TC2N: variants seen among roughly 807,000 people sequenced by gnomAD.
TC2N encodes the protein tandem C2 domains nuclear protein.
Under a neutral mutation model 61.9 loss-of-function variants are expected in TC2N, and 51 were observed. The ratio of observed to expected loss-of-function variants is 0.82; its 90% CI spans 0.66 to 1.04. The LOEUF is 1.04. Among genes scored for constraint, TC2N ranks in the 50% least tolerant of loss-of-function variants. TC2N has a pLI of 0.00. For synonymous variants in TC2N, 204 were observed against 192.6 expected (o/e 1.06, Z -0.49); for missense variants, 556 against 566.7 (o/e 0.98, Z 0.19).
chr14:91,791,206 A>AGGGG (rs1566761681), intron 9 of TC2N, among the ~76,000 whole-genome samples: 3 of 47,994 alleles, frequency 6.3e-5, no homozygotes, highest in Non-Finnish European at 1.4e-4. Context: ...GGGAGGGGAG[A>AGGGG]AGAGGGGAGG....
rs538209533 is a variant in TC2N, at chr14:91,858,182, G to A, written c.-57+9080C>T. On this transcript the variant is annotated intron_variant, in intron 1 of 11. Transcript: ENST00000435962. ...TTTTTTTTTTTTTTTTGGTAAAGAT[G>A]GGGTTTCACTATATTTCCTAGGCTG... 3.4e-4 allele frequency among the ~76,000 whole-genome samples: 41 copies of A among 122,372 alleles called. 1 individual carries two copies. Among genetic ancestry groups the A allele is most frequent in the African/African-American group, 1.2e-3 (39 of 33,082 alleles). The allele number at this position is 122,372 out of a possible 152,430, so 80.3% of individuals were successfully genotyped here. A position where few individuals can be genotyped will look rare whatever the true frequency, so the allele number is the denominator to read the frequency against.
At chr14:91,852,446 C>G (rs1292738267) in intron 1 of TC2N, among the ~76,000 whole-genome samples, 4 of 152,042 alleles carry the variant, frequency 2.6e-5, no homozygotes, top group African/African-American at 9.7e-5. Flanking sequence ...AAAAAATGCT[C>G]TGCCTCACTA....
At chr14:91,865,671 C>T (rs2430337) in intron 1 of TC2N, among the ~76,000 whole-genome samples, 61,990 of 151,798 alleles carry the variant, frequency 0.41, 13,500 homozygotes, top group African/African-American at 0.56. Context: ...TTTCAAAATA[C>T]TTAATAATTC....
chr14:91,808,971 A>G (rs1246829460), intron 3 of TC2N, among the ~76,000 whole-genome samples: 3 of 152,190 alleles, frequency 2.0e-5, no homozygotes, highest in African/African-American at 7.2e-5. Flanking sequence ...AATGTTGTTA[A>G]TAAGTATGAA....
intron 9 of TC2N, among the ~76,000 whole-genome samples, chr14:91,788,959 C>A: frequency 2.8e-5 from 1 of 35,924 alleles, no homozygotes; most frequent in African/African-American, 3.8e-5. Flanking sequence ...ATTTGGTAGC[C>A]ATAAAAAAAA....
intron 1 of TC2N, among the ~76,000 whole-genome samples, chr14:91,822,942 C>G (rs988020800): frequency 4.6e-5 from 7 of 151,720 alleles, no homozygotes; most frequent in African/African-American, 7.3e-5. Context: ...GTCTCGATCT[C>G]CTGACCTCGT....
intron 1 of TC2N, among the ~76,000 whole-genome samples, chr14:91,818,319 C>A (rs1887095663): frequency 6.6e-6 from 1 of 152,000 alleles, no homozygotes; most frequent in Admixed American, 6.6e-5. Flanking sequence ...GAAAAAAACA[C>A]CAGAAAAATT....
chr14:91,810,517 C>T (rs1463547647), intron 3 of TC2N, among the ~76,000 whole-genome samples: 2 of 151,996 alleles, frequency 1.3e-5, no homozygotes, highest in African/African-American at 2.4e-5. Context: ...AATACAACCC[C>T]AAATTACTCC....
Position 91,799,452 on chromosome 14 carries a change from CAG to C in TC2N, c.562-390_562-389del, listed in dbSNP as rs952016488. On this transcript the variant is annotated intron_variant, in intron 5 of 11. Transcript: ENST00000435962. ...CATAGTCAATCTGGACCTGCAGAAACAGTATCATTTGGAACTTGGTAGCAATA... is the reference window on the plus strand; with the variant it reads ...CATAGTCAATCTGGACCTGCAGAAACTATCATTTGGAACTTGGTAGCAATA... Among the ~76,000 whole-genome samples the C allele has an allele frequency of 2.2e-4, 34 of 152,148 alleles. 1 individual carries two copies. Among genetic ancestry groups the C allele is most frequent in the African/African-American group, 7.9e-4 (33 of 41,552 alleles).
chr14:91,798,310 T>C lies in TC2N; in HGVS notation c.727A>G (p.Thr243Ala). The C allele has an allele frequency of 4.5e-6, 7 of 1,550,880 alleles. No homozygotes were observed. Among genetic ancestry groups the C allele is most frequent in the Non-Finnish European group, 6.1e-6 (7 of 1,139,282 alleles). ...CTATACTAATTTACCTGTAAAACTG[T>C]GATCCAGATCTGTTCTACTGAAGAA... The part of the protein sequence containing the change: ...YNSSVEQIWI[T>A]VLQCRDLSWP... Residue 243 changes from threonine (T) to alanine (A), a missense_variant, in exon 7 of 12, where the codon ACA (threonine) becomes GCA (alanine). Transcript: ENST00000435962.
At chr14:91,789,379 G>A (rs1161632916) in intron 9 of TC2N, among the ~76,000 whole-genome samples, 2 of 151,468 alleles carry the variant, frequency 1.3e-5, no homozygotes, top group Non-Finnish European at 2.9e-5. Context: ...GGCGGATCAC[G>A]AGGTCAGATC....
chr14:91,797,697 C>A, intron 8 of TC2N, 88 bp downstream of exon 8: 1 of 876,984 alleles, frequency 1.1e-6, no homozygotes. Flanking sequence ...AAAAGACTTT[C>A]TTATTCTGAC....
chr14:91,829,735 C>G (rs762369386), intron 1 of TC2N, among the ~76,000 whole-genome samples: 5 of 152,138 alleles, frequency 3.3e-5, no homozygotes, highest in Non-Finnish European at 7.4e-5. Context: ...CCTTGTACAG[C>G]TGGTTATCTT....
intron 1 of TC2N, among the ~76,000 whole-genome samples, chr14:91,829,776 T>C (rs1457611712): frequency 6.6e-6 from 1 of 152,194 alleles, no homozygotes; most frequent in Non-Finnish European, 1.5e-5. Flanking sequence ...ACCATGAAAC[T>C]GTACTGGTAG....
intron 10 of TC2N, among the ~76,000 whole-genome samples, chr14:91,787,058 A>G (rs1885401241): frequency 6.6e-6 from 1 of 152,210 alleles, no homozygotes; most frequent in Non-Finnish European, 1.5e-5. Flanking sequence ...CTCTGGGACT[A>G]GACAACCAAA....
At chr14:91,860,829 T>C (rs1888575138) in intron 1 of TC2N, among the ~76,000 whole-genome samples, 1 of 152,228 alleles carries the variant, frequency 6.6e-6, no homozygotes, top group African/African-American at 2.4e-5. Flanking sequence ...TGAAACCCTC[T>C]ATGCAGTACG....
intron 1 of TC2N, among the ~76,000 whole-genome samples, chr14:91,853,072 A>AAAAC (rs924963006): frequency 7.0e-4 from 106 of 152,316 alleles, no homozygotes; most frequent in African/African-American, 2.0e-3. Flanking sequence ...CTCCATCTAA[A>AAAAC]AAACAAACAA....
intron 3 of TC2N, among the ~76,000 whole-genome samples, chr14:91,805,996 C>G (rs1040444919): frequency 6.6e-6 from 1 of 152,094 alleles, no homozygotes; most frequent in Non-Finnish European, 1.5e-5. Context: ...TGGGAGATAA[C>G]TGAATCATGG....
intron 1 of TC2N, among the ~76,000 whole-genome samples, chr14:91,819,985 G>A (rs1396522669): frequency 1.3e-5 from 2 of 151,608 alleles, no homozygotes; most frequent in African/African-American, 4.8e-5. Context: ...AAAAGAAAGG[G>A]GGAACAAAGA....
Sources: gnomAD v4.1 joint callset for allele counts (sites outside exome capture counted in the v4.1 genomes callset) on GRCh38, gnomAD v4.1.1 for gene constraint, MANE v1.5 for transcripts, NCBI Gene and HGNC (gene_info 2026-07-23, HGNC 2026-07-21) for gene names.